Variants in PDZD2 observed in about 807,000 individuals in gnomAD.
PDZD2 encodes PDZ domain-containing protein 2.
A neutral mutation model predicts 220.7 loss-of-function variants in PDZD2; 90 were observed. The observed-to-expected ratio is 0.41, with a 90% confidence interval of 0.34 to 0.49. The LOEUF (loss-of-function observed/expected upper bound fraction) is 0.49, where lower values mean the gene tolerates loss of function less well. Among genes scored for constraint, PDZD2 ranks in the 20% least tolerant of loss-of-function variants. The pLI is 0.28. For missense variants in PDZD2, 3,174 were observed against 3,608.5 expected (o/e 0.88, Z 3.08); for synonymous variants, 1,375 against 1,450.5 (o/e 0.95, Z 1.18).
At chr5:31,749,273 A>G (rs1750789013) in intron 1 of PDZD2, among the ~76,000 whole-genome samples, 1 of 152,152 alleles carries the variant, frequency 6.6e-6, no homozygotes, top group South Asian at 2.1e-4. Flanking sequence ...AGGCCCACAG[A>G]TACTTGTTTG....
intron 2 of PDZD2, among the ~76,000 whole-genome samples, chr5:31,869,646 C>T (rs1433038071): frequency 2.6e-5 from 4 of 152,168 alleles, no homozygotes; most frequent in Non-Finnish European, 1.5e-5. Flanking sequence ...GTCCATTGTC[C>T]TTTCCACTTC....
intron 2 of PDZD2, among the ~76,000 whole-genome samples, chr5:31,945,672 T>A (rs1330357238): frequency 4.0e-5 from 6 of 151,538 alleles, no homozygotes; most frequent in African/African-American, 1.2e-4. Flanking sequence ...CCCCCTAGGG[T>A]GTTCTGCCGC....
At chr5:32,050,635 T>C (rs73072279) in intron 8 of PDZD2, among the ~76,000 whole-genome samples, 7,823 of 152,156 alleles carry the variant, frequency 0.051, 434 homozygotes, top group African/African-American at 0.14. Context: ...CTGGGCAACA[T>C]GGCAAGACCT....
In PDZD2 at chr5:31,798,690, C is replaced by T. The variant is rs112525916; in HGVS notation, c.-360-199C>T. On this transcript the variant is annotated intron_variant, in intron 1 of 24. Transcript: ENST00000438447. ...CTGGAGAAGGCCAGTGTTCCAGAGG[C>T]GTCTGTCTGAGAGAAGGGAGTGTCC... Among the ~76,000 whole-genome samples, 65 of 152,186 alleles carry T rather than the reference C, an allele frequency of 4.3e-4. 1 individual carries two copies. The highest frequency in any genetic ancestry group is 3.4e-3 in the Middle Eastern group (1 of 294).
chr5:32,002,616 AACAC>A (rs1470823887), intron 5 of PDZD2, among the ~76,000 whole-genome samples: 2 of 124,744 alleles, frequency 1.6e-5, no homozygotes, highest in African/African-American at 3.0e-5. Flanking sequence ...CACACACACC[AACAC>A]ACACCAACAC....
rs571668521 is a variant in PDZD2, at chr5:31,710,229, G to A, written c.-361+70792G>A. Reference sequence around the variant, plus strand: ...TACTCGAACTCCCTTTTTGGTTGCTGGACTGTATTTCTGTGATCCCAGTAG... The same window carrying A: ...TACTCGAACTCCCTTTTTGGTTGCTAGACTGTATTTCTGTGATCCCAGTAG... On this transcript the variant is annotated intron_variant, in intron 1 of 24. Transcript: ENST00000438447. 7.2e-5 allele frequency among the ~76,000 whole-genome samples: 11 copies of A among 152,262 alleles called. No homozygotes were observed. The East Asian group carries it at 1.9e-3, about 27-fold the overall frequency.
intron 2 of PDZD2, among the ~76,000 whole-genome samples, chr5:31,862,211 T>A (rs1737784456): frequency 6.7e-6 from 1 of 148,868 alleles, no homozygotes; most frequent in South Asian, 2.2e-4. Context: ...TTCCAACGAT[T>A]CTCCTGCCTC....
chr5:32,055,678 T>A (rs1356167463), intron 10 of PDZD2, among the ~76,000 whole-genome samples: 1 of 152,198 alleles, frequency 6.6e-6, no homozygotes, highest in Non-Finnish European at 1.5e-5. Context: ...GGGTTCTTTT[T>A]TTGGAACTGA....
rs534392012 is a variant in PDZD2 at position 31,683,932 on chromosome 5, A to G, written c.-361+44495A>G. 8.3e-4 allele frequency among the ~76,000 whole-genome samples: 127 copies of G among 152,246 alleles called. 1 individual carries two copies. Among genetic ancestry groups the G allele is most frequent in the African/African-American group, 2.8e-3 (118 of 41,542 alleles). ...GTTGCACAAATTTACACTCCCACCA[A>G]GAGTGTGGGAGAGCCATTTGCCACA... On this transcript the variant is annotated intron_variant, in intron 1 of 24. Transcript: ENST00000438447.
At chr5:31,708,361 G>A (rs1747926226) in intron 1 of PDZD2, among the ~76,000 whole-genome samples, 1 of 152,236 alleles carries the variant, frequency 6.6e-6, no homozygotes, top group South Asian at 2.1e-4. Flanking sequence ...TGGGAAACCA[G>A]TGTCCTAGAA....
chr5:32,058,674 C>CAAA (rs35570128), intron 12 of PDZD2, among the ~76,000 whole-genome samples: 3,289 of 92,096 alleles, frequency 0.036, 125 homozygotes, highest in African/African-American at 0.078. Flanking sequence ...AACTCCGTCT[C>CAAA]AAAAAAAAAA....
intron 2 of PDZD2, chr5:31,822,533 T>A: frequency 1.5e-6 from 1 of 678,384 alleles, no homozygotes. Flanking sequence ...GCATCTTGTT[T>A]CTGTAGCTGG....
At chr5:32,006,943 T>G (rs1359618966) in intron 5 of PDZD2, among the ~76,000 whole-genome samples, 11 of 104,054 alleles carry the variant, frequency 1.1e-4, no homozygotes, top group African/African-American at 3.1e-4. Flanking sequence ...TGAGACGGAG[T>G]CTCGCTCTGT....
chr5:32,066,842 C>T (rs145658660), intron 14 of PDZD2, among the ~76,000 whole-genome samples: 9 of 152,234 alleles, frequency 5.9e-5, no homozygotes, highest in Non-Finnish European at 8.8e-5. Context: ...ATCTGGTGGC[C>T]GCCATGCCAT....
At chr5:31,692,248 G>A (rs1481614324) in intron 1 of PDZD2, among the ~76,000 whole-genome samples, 1 of 152,192 alleles carries the variant, frequency 6.6e-6, no homozygotes, top group Non-Finnish European at 1.5e-5. Context: ...CGGTGGGGCC[G>A]GCCGGGCGAG....
chr5:31,969,535 A>AAAC (rs1561220904), intron 2 of PDZD2, among the ~76,000 whole-genome samples: 1 of 139,038 alleles, frequency 7.2e-6, no homozygotes, highest in African/African-American at 2.6e-5. Flanking sequence ...AAAAAAAAAA[A>AAAC]CAATGGATAT....
intron 2 of PDZD2, among the ~76,000 whole-genome samples, chr5:31,932,904 C>CT (rs1561118765): frequency 3.8e-4 from 3 of 7,858 alleles, no homozygotes; most frequent in African/African-American, 8.8e-4. Context: ...AGCATAGTGT[C>CT]CTTTTTTTTT....
At chr5:31,982,506 CTA>C (rs1470212035) in intron 2 of PDZD2, among the ~76,000 whole-genome samples, 1 of 152,160 alleles carries the variant, frequency 6.6e-6, no homozygotes, top group Non-Finnish European at 1.5e-5. Context: ...CGGGGTTTCG[CTA>C]TGTTACCCAA....
chr5:32,076,778 A>C (rs1182696933), intron 18 of PDZD2, among the ~76,000 whole-genome samples: 1 of 152,228 alleles, frequency 6.6e-6, no homozygotes, highest in Non-Finnish European at 1.5e-5. Context: ...TAATAAATAG[A>C]AAATTAACTG....
Sources: gnomAD v4.1 joint callset for allele counts (sites outside exome capture counted in the v4.1 genomes callset) on GRCh38, gnomAD v4.1.1 for gene constraint, MANE v1.5 for transcripts, NCBI Gene and HGNC (gene_info 2026-07-23, HGNC 2026-07-21) for gene names.